The following TRPM3 variants were observed in gnomAD, a reference collection of about 807,000 sequenced individuals.
TRPM3 encodes the protein long transient receptor potential channel 3.
Under a neutral mutation model 181.2 loss-of-function variants are expected in TRPM3, and 77 were observed. That is an observed-to-expected ratio of 0.42 (90% CI 0.35 to 0.51). The LOEUF (loss-of-function observed/expected upper bound fraction) is 0.51. Ranked by LOEUF, TRPM3 falls within the 20% of genes least tolerant of loss-of-function variation. TRPM3 has a pLI of 0.01. For missense variants in TRPM3, 1,759 were observed against 2,196.7 expected (o/e 0.80, Z 3.98); for synonymous variants, 745 against 796.4 (o/e 0.94, Z 1.09).
At chr9:71,201,813 CCTT>C (rs1288215931) in intron 1 of TRPM3, among the ~76,000 whole-genome samples, 2 of 152,182 alleles carry the variant, frequency 1.3e-5, no homozygotes, top group Admixed American at 1.3e-4. Context: ...TTGTCTGAAG[CCTT>C]CTTCTCTCAA....
intron 1 of TRPM3, among the ~76,000 whole-genome samples, chr9:70,891,504 CA>C (rs1306882347): frequency 2.6e-5 from 4 of 152,160 alleles, no homozygotes; most frequent in Non-Finnish European, 5.9e-5. Flanking sequence ...TGAGAAGTGT[CA>C]GGCAAGGGAC....
At chr9:70,624,461 G>A (rs7029762) in intron 14 of TRPM3, among the ~76,000 whole-genome samples, 29,238 of 152,038 alleles carry the variant, frequency 0.19, 3,376 homozygotes, top group African/African-American at 0.32. Context: ...GTGAATTTCA[G>A]TGTAACAGAA....
intron 1 of TRPM3, among the ~76,000 whole-genome samples, chr9:71,197,608 A>T (rs10868972): frequency 0.43 from 64,657 of 151,026 alleles, 14,244 homozygotes; most frequent in East Asian, 0.52. Flanking sequence ...GATTTGCATT[A>T]CTCTGATGGC....
intron 6 of TRPM3, among the ~76,000 whole-genome samples, chr9:70,817,984 GTGAC>G (rs1193991493): frequency 6.6e-6 from 1 of 151,940 alleles, no homozygotes; most frequent in Non-Finnish European, 1.5e-5. Flanking sequence ...TTATAATAAA[GTGAC>G]TGGGTCAAGT....
At chr9:71,344,115 A>G (rs117305034) in intron 1 of TRPM3, among the ~76,000 whole-genome samples, 5,535 of 152,228 alleles carry the variant, frequency 0.036, 128 homozygotes, top group Non-Finnish European at 0.058. Context: ...ATGAATGTGG[A>G]GTAGGTTGAA....
At chr9:71,096,590 A>ACACACACACACACACTCTCTCTCTCT (rs1452142664) in intron 1 of TRPM3, among the ~76,000 whole-genome samples, 1 of 89,998 alleles carries the variant, frequency 1.1e-5, no homozygotes, top group African/African-American at 5.2e-5. Context: ...ACACACACAC[A>ACACACACACACACACTCTCTCTCTCT]CTCTCTCTCT....
At chr9:70,759,483 G>A (rs150118789) in intron 8 of TRPM3, among the ~76,000 whole-genome samples, 244 of 152,264 alleles carry the variant, frequency 1.6e-3, no homozygotes, top group African/African-American at 5.7e-3. Flanking sequence ...CCATTACTGG[G>A]TATGTACCCA....
chr9:71,354,310 C>G (rs1188840400), intron 1 of TRPM3, among the ~76,000 whole-genome samples: 1 of 152,110 alleles, frequency 6.6e-6, no homozygotes, highest in Non-Finnish European at 1.5e-5. Context: ...TTGTCAGATG[C>G]CACCTTATCA....
chr9:70,800,271 T>C (rs889927214), intron 6 of TRPM3, among the ~76,000 whole-genome samples: 1 of 152,224 alleles, frequency 6.6e-6, no homozygotes, highest in African/African-American at 2.4e-5. Flanking sequence ...TTTAATGTAA[T>C]GAAGTCCACT....
chr9:70,951,394 T>G (rs1023634641), intron 1 of TRPM3, among the ~76,000 whole-genome samples: 3 of 152,076 alleles, frequency 2.0e-5, no homozygotes, highest in Non-Finnish European at 4.4e-5. Context: ...TGGGCTGGAG[T>G]GAAGTGGTGC....
intron 1 of TRPM3, among the ~76,000 whole-genome samples, chr9:71,196,655 G>A (rs1255759724): frequency 6.6e-6 from 1 of 151,872 alleles, no homozygotes; most frequent in East Asian, 1.9e-4. Context: ...ACACCTCACA[G>A]GTAAATTCCT....
intron 1 of TRPM3, among the ~76,000 whole-genome samples, chr9:71,102,456 G>GTCC (rs1366798133): frequency 6.6e-6 from 1 of 152,060 alleles, no homozygotes; most frequent in Non-Finnish European, 1.5e-5. Context: ...CCTGTTTCTG[G>GTCC]TCCTAGCTTA....
At chr9:71,229,268 A>G (rs1341198096) in intron 1 of TRPM3, among the ~76,000 whole-genome samples, 1 of 152,176 alleles carries the variant, frequency 6.6e-6, no homozygotes, top group Admixed American at 6.5e-5. Flanking sequence ...TTCCATATGC[A>G]GAAGAATAAA....
chr9:70,934,666 T>C lies in TRPM3; in HGVS notation c.178-70155A>G, dbSNP rs1050344248. Among the ~76,000 whole-genome samples, 12 of 152,154 alleles carry C rather than the reference T, an allele frequency of 7.9e-5. No homozygotes were observed. In the East Asian group the frequency reaches 1.2e-3, roughly 15 times the overall value. Reference sequence around the variant, plus strand: ...ATATATTAGGTTGATTCAAAAGTAATCAAGATTTTGCCATTATGGCAAAAA... The same window carrying C: ...ATATATTAGGTTGATTCAAAAGTAACCAAGATTTTGCCATTATGGCAAAAA... On this transcript the variant is annotated intron_variant, in intron 1 of 25. Coordinates refer to ENST00000677713, the MANE Select transcript of TRPM3 (RefSeq NM_001366145.2).
At chr9:71,067,987 T>C (rs542324010) in intron 1 of TRPM3, among the ~76,000 whole-genome samples, 122 of 152,312 alleles carry the variant, frequency 8.0e-4, no homozygotes, top group Non-Finnish European at 1.5e-3. Context: ...ACTTTGTTCA[T>C]GATTTCAGGG....
At chr9:70,682,838 T>C (rs1272715804) in intron 8 of TRPM3, among the ~76,000 whole-genome samples, 1 of 152,190 alleles carries the variant, frequency 6.6e-6, no homozygotes, top group Non-Finnish European at 1.5e-5. Flanking sequence ...ATCTCTAGAA[T>C]GGGATAATAA....
In TRPM3 at chr9:71,095,389, C is replaced by A. The variant is rs371047100; in HGVS notation, c.177+25789G>T. ...GGTGAGGTGGGGCACGACGGGAGAT[C>A]CTCTATTTAAGATCTTGCAGTTTCT... On this transcript the variant is annotated intron_variant, in intron 1 of 25. Coordinates refer to ENST00000677713, the MANE Select transcript of TRPM3 (RefSeq NM_001366145.2). Among the ~76,000 whole-genome samples the A allele has an allele frequency of 2.3e-3, 4 of 1,708 alleles. No individual in the cohort carries two copies. In the African/African-American group the frequency reaches 0.032, roughly 14 times the overall value. The allele number at this position is 1,708 out of a possible 152,430, so 1.1% of individuals were successfully genotyped here. A position where few individuals can be genotyped will look rare whatever the true frequency, so the allele number is the denominator to read the frequency against.
chr9:71,130,757 G>A (rs561403110), intron 1 of TRPM3, among the ~76,000 whole-genome samples: 4 of 152,222 alleles, frequency 2.6e-5, no homozygotes, highest in South Asian at 4.1e-4. Flanking sequence ...ACAACCAGCT[G>A]TCTCTGGGAA....
intron 1 of TRPM3, among the ~76,000 whole-genome samples, chr9:71,394,033 G>A (rs2093130280): frequency 6.6e-6 from 1 of 152,122 alleles, no homozygotes; most frequent in South Asian, 2.1e-4. Flanking sequence ...CGTCTGAGAA[G>A]AGATCCACTG....
Sources: gnomAD v4.1 joint callset for allele counts (sites outside exome capture counted in the v4.1 genomes callset) on GRCh38, gnomAD v4.1.1 for gene constraint, MANE v1.5 for transcripts, NCBI Gene and HGNC (gene_info 2026-07-23, HGNC 2026-07-21) for gene names.